The following TMEM161B variants were observed in gnomAD, a reference collection of about 807,000 sequenced individuals.
TMEM161B encodes the protein transmembrane protein 161B.
A neutral mutation model predicts 61.8 loss-of-function variants in TMEM161B; 34 were observed. The observed-to-expected ratio is 0.55, with a 90% CI of 0.42 to 0.73. The LOEUF (loss-of-function observed/expected upper bound fraction) is 0.73. Ranked by LOEUF, TMEM161B falls within the 30% of genes least tolerant of loss-of-function variation. TMEM161B has a pLI of 0.00. For missense variants in TMEM161B, 456 were observed against 558.5 expected, an observed-to-expected ratio of 0.82 and a Z score of 1.85; for synonymous variants, 167 against 192.8, an observed-to-expected ratio of 0.87 and a Z score of 1.11.
chr5:88,206,939 T>C (rs1745616219), intron 6 of TMEM161B, 90 bp downstream of exon 6: 1 of 1,072,110 alleles, frequency 9.3e-7, no homozygotes, highest in Admixed American at 2.4e-5. Context: ...ATTTTAGATA[T>C]TTATCAGACA....
At chr5:88,251,806 G>A (rs1156394752) in intron 1 of TMEM161B, among the ~76,000 whole-genome samples, 3 of 152,092 alleles carry the variant, frequency 2.0e-5, no homozygotes, top group Admixed American at 6.6e-5. Flanking sequence ...ACAAGAACAT[G>A]CTGTCTATCT....
chr5:88,257,330 A>T (rs2112756950), intron 1 of TMEM161B, among the ~76,000 whole-genome samples: 1 of 152,288 alleles, frequency 6.6e-6, no homozygotes, highest in East Asian at 1.9e-4. Flanking sequence ...ACTAAAAATC[A>T]AAACTTTGCT....
At chr5:88,212,751 T>C (rs1747066942) in intron 5 of TMEM161B, among the ~76,000 whole-genome samples, 1 of 152,092 alleles carries the variant, frequency 6.6e-6, no homozygotes, top group Admixed American at 6.5e-5. Flanking sequence ...ATCACTTGAA[T>C]CCAGGAGGCT....
chr5:88,203,769 AT>A (rs1561312359), intron 8 of TMEM161B, among the ~76,000 whole-genome samples: 233 of 4,924 alleles, frequency 0.047, 25 homozygotes, highest in African/African-American at 0.092. Flanking sequence ...ATATATATAT[AT>A]ATATATATAT....
intron 1 of TMEM161B, among the ~76,000 whole-genome samples, chr5:88,250,022 T>C (rs1324497425): frequency 6.6e-6 from 1 of 152,158 alleles, no homozygotes; most frequent in Non-Finnish European, 1.5e-5. Flanking sequence ...TGTTCTATCC[T>C]ATGGTATCTT....
At position 88,207,170 on chromosome 5, in the gene TMEM161B, A is replaced by G; in HGVS notation, c.457T>C (p.Phe153Leu). ...TTAAAATAGTGTGTAGTTAATGAAA[A>G]TAGAACTTTGCTGCAGAAGGAAAAG... ...LVLSFAIKVLFSLTTHYFKVE... is the reference protein window; with the variant it reads ...LVLSFAIKVLLSLTTHYFKVE... The change falls in exon 6 of 12, where the codon TTT (phenylalanine) becomes CTT (leucine). Residue 153 changes from phenylalanine (F) to leucine (L), a missense_variant. Physicochemically the swap from Phe to Leu is conservative, Grantham distance 22. Coordinates refer to ENST00000296595, the MANE Select transcript of TMEM161B (RefSeq NM_153354.5). The G allele has an allele frequency of 3.1e-6, 5 of 1,605,758 alleles. No individual in the cohort carries two copies. The highest frequency in any genetic ancestry group is 4.2e-6 in the Non-Finnish European group (5 of 1,177,528).
chr5:88,250,418 C>T (rs1754184127), intron 1 of TMEM161B, among the ~76,000 whole-genome samples: 1 of 152,090 alleles, frequency 6.6e-6, no homozygotes, highest in Non-Finnish European at 1.5e-5. Flanking sequence ...CCCATTCCAG[C>T]CAGAGTGATA....
intron 1 of TMEM161B, among the ~76,000 whole-genome samples, chr5:88,259,706 A>G (rs1482697884): frequency 1.3e-5 from 2 of 152,214 alleles, no homozygotes; most frequent in African/African-American, 4.8e-5. Context: ...AAAAATGTCA[A>G]TCAGTACTGC....
chr5:88,251,756 TTATATC>T (rs1209796067), intron 1 of TMEM161B, among the ~76,000 whole-genome samples: 1 of 152,166 alleles, frequency 6.6e-6, no homozygotes, highest in Non-Finnish European at 1.5e-5. Flanking sequence ...GCCACAGAAA[TTATATC>T]TATAAATAGA....
At chr5:88,199,643 G>C (rs1743998256) in intron 9 of TMEM161B, 1 of 152,218 alleles carries the variant, frequency 6.6e-6, no homozygotes, top group East Asian at 1.9e-4. Context: ...GAAGAAATCA[G>C]GTGCCTGAGA....
At chr5:88,267,593 A>G (rs1756559823) in intron 1 of TMEM161B, among the ~76,000 whole-genome samples, 1 of 152,158 alleles carries the variant, frequency 6.6e-6, no homozygotes, top group Non-Finnish European at 1.5e-5. Context: ...AGAAACTGAC[A>G]ATAATGAACT....
chr5:88,231,534 T>C (rs1470052520), intron 2 of TMEM161B, among the ~76,000 whole-genome samples: 3 of 152,242 alleles, frequency 2.0e-5, no homozygotes, highest in Non-Finnish European at 4.4e-5. Flanking sequence ...ACTTCAAAGT[T>C]AGTACAGTTA....
intron 5 of TMEM161B, 50 bp downstream of exon 5, chr5:88,220,513 A>G (rs1416968669): frequency 7.1e-7 from 1 of 1,409,826 alleles, no homozygotes; most frequent in African/African-American, 1.5e-5. Flanking sequence ...ATGAGATCTA[A>G]TGGTGTTATC....
In TMEM161B at chr5:88,197,724, C is replaced by T. The variant is rs745342297; in HGVS notation, c.1131G>A (p.Gln377=). 6 of 1,613,042 alleles carry T rather than the reference C, an allele frequency of 3.7e-6. No homozygotes were observed. The East Asian group carries it at 8.9e-5, about 24-fold the overall frequency. The part of the protein sequence containing the change: ...VFYYLCVIAL[Q]YVAPLVMLLH... ...GCAGCATTACCAGAGGCGCCACATA[C>T]TGCAGTGCAATGACACAAAGATAAT... Residue 377 remains glutamine, a synonymous_variant, in exon 11 of 12, where the codon CAG becomes CAA. Transcript: ENST00000296595.
intron 5 of TMEM161B, among the ~76,000 whole-genome samples, chr5:88,207,602 CTAAG>C (rs1360946988): frequency 6.6e-6 from 1 of 152,142 alleles, no homozygotes; most frequent in Non-Finnish European, 1.5e-5. Flanking sequence ...GGTATGAAAA[CTAAG>C]TGTCTGGGGT....
intron 4 of TMEM161B, among the ~76,000 whole-genome samples, chr5:88,225,054 G>A (rs189018248): frequency 6.8e-5 from 9 of 132,498 alleles, no homozygotes; most frequent in Non-Finnish European, 9.2e-5. Flanking sequence ...TGCAACCTCC[G>A]CCTCCCGGGT....
At chr5:88,191,391 A>C (rs533096792), downstream of TMEM161B, among the ~76,000 whole-genome samples, 1 of 152,212 alleles carries the variant, frequency 6.6e-6, no homozygotes, top group African/African-American at 2.4e-5. Context: ...CTAGATGCTA[A>C]GCTCTTGGAG....
intron 1 of TMEM161B, among the ~76,000 whole-genome samples, chr5:88,251,526 T>TA (rs1754340233): frequency 6.6e-6 from 1 of 152,128 alleles, no homozygotes; most frequent in Non-Finnish European, 1.5e-5. Flanking sequence ...GCTTCAAAGT[T>TA]AAACTATAAA....
At chr5:88,239,081 A>G (rs1260670062) in intron 2 of TMEM161B, among the ~76,000 whole-genome samples, 1 of 152,026 alleles carries the variant, frequency 6.6e-6, no homozygotes, top group Non-Finnish European at 1.5e-5. Context: ...CTCTCAAATT[A>G]TCTATGTATA....
Sources: gnomAD v4.1 joint callset for allele counts (sites outside exome capture counted in the v4.1 genomes callset) on GRCh38, gnomAD v4.1.1 for gene constraint, MANE v1.5 for transcripts, NCBI Gene and HGNC (gene_info 2026-07-23, HGNC 2026-07-21) for gene names.